Variants in MID1 observed in about 807,000 individuals in gnomAD.
MID1 encodes E3 ubiquitin-protein ligase Midline-1.
A neutral mutation model predicts 40.4 loss-of-function variants in MID1; 7 were observed. That is an observed-to-expected ratio of 0.17 (90% CI 0.10 to 0.33). The LOEUF (loss-of-function observed/expected upper bound fraction) is 0.33. Ranked by LOEUF, MID1 falls within the 10% of genes least tolerant of loss-of-function variation. The probability of loss-of-function intolerance (pLI) is 1.00; values close to 1 mark genes in which losing one functional copy is unlikely to be tolerated. For synonymous variants in MID1, 229 were observed against 221.2 expected (o/e 1.04, Z -0.31); for missense variants, 367 against 558.5 (o/e 0.66, Z 3.46).
At chrX:10,731,713 T>A (rs761765105) in intron 1 of MID1, among the ~76,000 whole-genome samples, 78 of 110,736 alleles carry the variant, frequency 7.0e-4, no homozygotes, top group African/African-American at 2.4e-3. Flanking sequence ...ATCCTAGCAC[T>A]TTGGGAGGCC....
chrX:10,517,116 T>C (rs778715293), intron 3 of MID1, among the ~76,000 whole-genome samples: 3 of 111,774 alleles, frequency 2.7e-5, no homozygotes, highest in Non-Finnish European at 5.6e-5. Context: ...TGTGGACTTA[T>C]AAGGATGTGG....
chrX:10,606,814 A>G (rs1409015986), intron 1 of MID1, among the ~76,000 whole-genome samples: 3 of 111,525 alleles, frequency 2.7e-5, no homozygotes, highest in Non-Finnish European at 5.6e-5. Flanking sequence ...TCACTGCAGA[A>G]CTGACCTCCC....
chrX:10,654,726 G>C (rs1428640751), intron 1 of MID1, among the ~76,000 whole-genome samples: 1 of 111,944 alleles, frequency 8.9e-6, no homozygotes, highest in Non-Finnish European at 1.9e-5. Flanking sequence ...TGATTTATGG[G>C]ACTCCCACAC....
At chrX:10,633,997 G>T (rs984150574) in intron 1 of MID1, among the ~76,000 whole-genome samples, 19 of 110,307 alleles carry the variant, frequency 1.7e-4, no homozygotes, top group Non-Finnish European at 3.8e-5. Context: ...TGCACGAAAG[G>T]CCACTCCATT....
At chrX:10,806,213 G>A (rs1453863738) in intron 1 of MID1, among the ~76,000 whole-genome samples, 2 of 111,153 alleles carry the variant, frequency 1.8e-5, no homozygotes, top group Non-Finnish European at 3.8e-5. Flanking sequence ...TAGGTCTATC[G>A]TTTAAGTCTT....
At chrX:10,650,130 T>C (rs1298059241) in intron 1 of MID1, among the ~76,000 whole-genome samples, 2 of 111,528 alleles carry the variant, frequency 1.8e-5, no homozygotes, top group African/African-American at 6.5e-5. Context: ...GGAACCTCAG[T>C]GGAAAGTTTT....
intron 1 of MID1, among the ~76,000 whole-genome samples, chrX:10,614,431 T>C (rs1410247779): frequency 8.9e-6 from 1 of 112,148 alleles, no homozygotes; most frequent in Non-Finnish European, 1.9e-5. Context: ...GGCATGGCCC[T>C]GCCCCCAAAT....
chrX:10,580,069 T>A (rs1477681517), intron 1 of MID1, among the ~76,000 whole-genome samples: 1 of 109,649 alleles, frequency 9.1e-6, no homozygotes, highest in Non-Finnish European at 1.9e-5. Context: ...GTGGCACAGA[T>A]CTTTAAGTCT....
At chrX:10,474,260 C>A (rs1929874207) in intron 6 of MID1, among the ~76,000 whole-genome samples, 1 of 111,850 alleles carries the variant, frequency 8.9e-6, no homozygotes, top group South Asian at 3.8e-4. Flanking sequence ...TACAGACAAC[C>A]AATCAGTTAG....
At chrX:10,604,350 C>T (rs1183202168) in intron 1 of MID1, among the ~76,000 whole-genome samples, 1 of 111,588 alleles carries the variant, frequency 9.0e-6, no homozygotes, top group African/African-American at 3.3e-5. Context: ...TTTAAAAACA[C>T]AGGCAGTATG....
intron 1 of MID1, among the ~76,000 whole-genome samples, chrX:10,698,269 CAGAGA>C (rs1388278794): frequency 9.2e-6 from 1 of 108,167 alleles, no homozygotes. Context: ...CCAGAAAAAA[CAGAGA>C]AATGAAATAG....
intron 1 of MID1, among the ~76,000 whole-genome samples, chrX:10,581,952 A>G (rs1935029203): frequency 8.9e-6 from 1 of 112,031 alleles, no homozygotes; most frequent in African/African-American, 3.2e-5. Flanking sequence ...TGGATGGAGC[A>G]TGTGAAACTA....
chrX:10,606,981 C>T (rs759020379), intron 1 of MID1, among the ~76,000 whole-genome samples: 1 of 112,075 alleles, frequency 8.9e-6, no homozygotes, highest in East Asian at 2.8e-4. Flanking sequence ...AATCCTCCCA[C>T]CTTGGCCTCC....
At chrX:10,631,183 A>G (rs1204592409) in intron 1 of MID1, among the ~76,000 whole-genome samples, 3 of 112,368 alleles carry the variant, frequency 2.7e-5, no homozygotes, top group Non-Finnish European at 5.6e-5. Context: ...GCCTTAGTCC[A>G]AATATCAATC....
At chrX:10,624,169 G>A (rs890922161), upstream of MID1, among the ~76,000 whole-genome samples, 2 of 112,143 alleles carry the variant, frequency 1.8e-5, no homozygotes, top group Non-Finnish European at 3.8e-5. Context: ...GTGCTGACTT[G>A]GTCACTAACT....
At chrX:10,458,262 A>G (rs1390447085) in intron 8 of MID1, among the ~76,000 whole-genome samples, 1 of 112,366 alleles carries the variant, frequency 8.9e-6, no homozygotes, top group Non-Finnish European at 1.9e-5. Flanking sequence ...TCATCATGTT[A>G]TATTCTCTTA....
intron 1 of MID1, among the ~76,000 whole-genome samples, chrX:10,727,638 A>T (rs1003697060): frequency 9.0e-5 from 10 of 111,375 alleles, no homozygotes; most frequent in African/African-American, 3.3e-4. Flanking sequence ...GCAGGAAGGG[A>T]GGGAGAGAGA....
chrX:10,536,840 T>C (rs1170388894), intron 2 of MID1, among the ~76,000 whole-genome samples: 1 of 112,335 alleles, frequency 8.9e-6, no homozygotes, highest in Non-Finnish European at 1.9e-5. Flanking sequence ...TGTGGACATT[T>C]TGTTATCTTA....
chrX:10,488,560 C>T, intron 4 of MID1, among the ~76,000 whole-genome samples: 1 of 111,726 alleles, frequency 9.0e-6, no homozygotes, highest in East Asian at 2.8e-4. Context: ...ACTAATGATA[C>T]TGAACCATCT....
Sources: gnomAD v4.1 joint callset for allele counts (sites outside exome capture counted in the v4.1 genomes callset) on GRCh38, gnomAD v4.1.1 for gene constraint, MANE v1.5 for transcripts, NCBI Gene and HGNC (gene_info 2026-07-23, HGNC 2026-07-21) for gene names.